The following RAPGEF6 variants were observed in gnomAD, a reference collection of about 807,000 sequenced individuals.
RAPGEF6 encodes the protein PDZ domain containing guanine nucleotide exchange factor (GEF) 2.
Under a neutral mutation model 171.4 loss-of-function variants are expected in RAPGEF6, and 56 were observed. That is an observed-to-expected ratio of 0.33 (90% CI 0.26 to 0.41). RAPGEF6 has a LOEUF of 0.41. RAPGEF6 is among the 10% of genes least tolerant of loss of function. RAPGEF6 has a pLI of 1.00. For missense variants in RAPGEF6, 1,674 were observed against 1,921.4 expected (o/e 0.87, Z 2.41); for synonymous variants, 692 against 650.1 (o/e 1.06, Z -0.98).
At chr5:131,486,236 G>A (rs1053146262) in intron 15 of RAPGEF6, among the ~76,000 whole-genome samples, 3 of 152,204 alleles carry the variant, frequency 2.0e-5, no homozygotes, top group Admixed American at 6.5e-5. Flanking sequence ...TTCTACGGAT[G>A]GGAAAATGGC....
intron 4 of RAPGEF6, among the ~76,000 whole-genome samples, chr5:131,565,250 AAAAT>A (rs141784858): frequency 0.099 from 15,038 of 152,148 alleles, 1,964 homozygotes; most frequent in African/African-American, 0.31. Context: ...CAACAATCAG[AAAAT>A]AAAATCTTTT....
chr5:131,572,796 C>CTA (rs1428036712), intron 4 of RAPGEF6, among the ~76,000 whole-genome samples: 2 of 152,210 alleles, frequency 1.3e-5, no homozygotes, highest in Non-Finnish European at 2.9e-5. Context: ...ACCCCTTCAA[C>CTA]TAACACCTGA....
intron 12 of RAPGEF6, among the ~76,000 whole-genome samples, chr5:131,497,857 C>T (rs1282064051): frequency 1.3e-5 from 2 of 152,100 alleles, no homozygotes; most frequent in Non-Finnish European, 2.9e-5. Context: ...CTAGTCTTTC[C>T]ATTAAATGTG....
At position 131,474,744 on chromosome 5, in the gene RAPGEF6, C is replaced by A. The variant is rs143526912; in HGVS notation, c.2082-2000G>T. On this transcript the variant is annotated intron_variant, in intron 16 of 27. Transcript: ENST00000509018. ...TAAGAGAAAATAAGAGGAAAAAGGG[C>A]TTTCAAAGGTATTTAAAGTATACAG... Among the ~76,000 whole-genome samples, 795 of 152,192 alleles carry A rather than the reference C, an allele frequency of 5.2e-3. 6 individuals carry two copies. The highest frequency in any genetic ancestry group is 0.018 in the African/African-American group (756 of 41,520).
intron 6 of RAPGEF6, among the ~76,000 whole-genome samples, chr5:131,528,789 G>C (rs1392467040): frequency 6.6e-6 from 1 of 152,104 alleles, no homozygotes; most frequent in Non-Finnish European, 1.5e-5. Context: ...TAGGAGATAA[G>C]TGGAGGAGGG....
At chr5:131,550,955 A>C (rs1473731938) in intron 5 of RAPGEF6, among the ~76,000 whole-genome samples, 2 of 152,244 alleles carry the variant, frequency 1.3e-5, no homozygotes, top group Non-Finnish European at 2.9e-5. Context: ...TAAGATAACA[A>C]GTTCTCTAAG....
chr5:131,566,468 A>G (rs909996257), intron 4 of RAPGEF6, among the ~76,000 whole-genome samples: 2 of 152,222 alleles, frequency 1.3e-5, no homozygotes, highest in Admixed American at 1.3e-4. Flanking sequence ...AATATAAACC[A>G]GGATTCTGTT....
At chr5:131,453,910 T>G (rs1753292849) in intron 20 of RAPGEF6, among the ~76,000 whole-genome samples, 1 of 152,226 alleles carries the variant, frequency 6.6e-6, no homozygotes, top group South Asian at 2.1e-4. Flanking sequence ...GCCTGTAACA[T>G]TTCCTTATGA....
chr5:131,504,247 G>C (rs960049779), intron 11 of RAPGEF6, among the ~76,000 whole-genome samples: 3 of 152,000 alleles, frequency 2.0e-5, no homozygotes, highest in African/African-American at 7.2e-5. Context: ...GAGGATCACA[G>C]GGTCAGGAGT....
At chr5:131,550,997 T>C (rs1380481362) in intron 5 of RAPGEF6, among the ~76,000 whole-genome samples, 7 of 152,228 alleles carry the variant, frequency 4.6e-5, no homozygotes, top group Admixed American at 4.6e-4. Flanking sequence ...ATTATATTCA[T>C]CTTTGTTCAC....
intron 4 of RAPGEF6, among the ~76,000 whole-genome samples, chr5:131,564,577 G>C (rs1168055919): frequency 6.6e-6 from 1 of 152,026 alleles, no homozygotes; most frequent in Non-Finnish European, 1.5e-5. Flanking sequence ...GGAACCCAGT[G>C]ACATAAAATT....
At chr5:131,495,522 TCTGA>T in intron 13 of RAPGEF6, 27 bp downstream of exon 13, 1 of 1,577,892 alleles carries the variant, frequency 6.3e-7, no homozygotes, top group Non-Finnish European at 8.7e-7. Flanking sequence ...ACCACTACAC[TCTGA>T]AGAATAGAAA....
intron 12 of RAPGEF6, among the ~76,000 whole-genome samples, chr5:131,496,168 G>A (rs1756626085): frequency 6.6e-6 from 1 of 152,120 alleles, no homozygotes; most frequent in Non-Finnish European, 1.5e-5. Flanking sequence ...GCAAAACCCT[G>A]TCTCTATAAA....
chr5:131,465,700 T>A (rs1283561117), intron 17 of RAPGEF6, among the ~76,000 whole-genome samples: 1 of 152,100 alleles, frequency 6.6e-6, no homozygotes, highest in African/African-American at 2.4e-5. Context: ...GGAGCATCAC[T>A]TGAGCCTGGG....
chr5:131,479,173 A>C (rs536590055), intron 16 of RAPGEF6, among the ~76,000 whole-genome samples: 19 of 152,324 alleles, frequency 1.2e-4, no homozygotes, highest in African/African-American at 4.1e-4. Context: ...ATGATTAAAA[A>C]AAAAAAACTG....
At chr5:131,436,063 T>G in intron 24 of RAPGEF6, 1 of 1,537,764 alleles carries the variant, frequency 6.5e-7, no homozygotes. Context: ...ATCTTTGATG[T>G]TGCTTCCAAC....
intron 5 of RAPGEF6, among the ~76,000 whole-genome samples, chr5:131,549,548 A>G (rs982181097): frequency 6.6e-6 from 1 of 152,166 alleles, no homozygotes; most frequent in African/African-American, 2.4e-5. Flanking sequence ...TACTGCAATA[A>G]AAGTTATGTG....
intron 4 of RAPGEF6, among the ~76,000 whole-genome samples, chr5:131,580,134 G>C (rs997629609): frequency 4.6e-4 from 70 of 152,290 alleles, no homozygotes; most frequent in Middle Eastern, 3.4e-3. Flanking sequence ...CCACTGTGGG[G>C]GGGGGCTCGG....
chr5:131,576,220 G>A (rs1007301033), intron 4 of RAPGEF6, among the ~76,000 whole-genome samples: 11 of 152,074 alleles, frequency 7.2e-5, no homozygotes, highest in African/African-American at 2.7e-4. Context: ...TTGGTTTACT[G>A]ATGGTAGTTC....
Sources: allele counts gnomAD v4.1 joint callset (sites outside exome capture counted in the v4.1 genomes callset), GRCh38; gene constraint gnomAD v4.1.1; transcripts MANE v1.5; gene names NCBI Gene and HGNC (gene_info 2026-07-23, HGNC 2026-07-21).